Variants in CREB3L2 observed in about 807,000 individuals in gnomAD.
CREB3L2 encodes the protein cAMP responsive element binding protein 3 like 2.
A neutral mutation model predicts 57.2 loss-of-function variants in CREB3L2; 23 were observed. The ratio of observed to expected loss-of-function variants is 0.40; its 90% confidence interval spans 0.29 to 0.57. CREB3L2 has a LOEUF of 0.57. CREB3L2 is among the 20% of genes least tolerant of loss of function. The pLI is 0.42. For missense variants in CREB3L2, 628 were observed against 634.7 expected (o/e 0.99, Z 0.11); for synonymous variants, 268 against 265.1 (o/e 1.01, Z -0.11).
chr7:137,949,294 A>G (rs545347076), intron 1 of CREB3L2, among the ~76,000 whole-genome samples: 18 of 152,334 alleles, frequency 1.2e-4, no homozygotes, highest in African/African-American at 4.1e-4. Context: ...TCACTTGCTA[A>G]CTTCCCACAG....
At chr7:137,883,255 A>T (rs1433903455) in intron 10 of CREB3L2, among the ~76,000 whole-genome samples, 1 of 152,204 alleles carries the variant, frequency 6.6e-6, no homozygotes, top group East Asian at 1.9e-4. Context: ...ATTTAATTGG[A>T]ATGCTAGCAC....
intron 1 of CREB3L2, among the ~76,000 whole-genome samples, chr7:137,983,725 C>A (rs1403690091): frequency 6.6e-6 from 1 of 152,230 alleles, no homozygotes; most frequent in Non-Finnish European, 1.5e-5. Context: ...TACCTCTCTG[C>A]TTTACCTCTC....
chr7:137,904,103 C>A, intron 6 of CREB3L2, 86 bp from the exon 7 acceptor site: 1 of 1,090,976 alleles, frequency 9.2e-7, no homozygotes, highest in South Asian at 1.3e-5. Flanking sequence ...GCGTAGAAGT[C>A]ACCAAAGCCC....
At position 137,880,694 on chromosome 7, in the gene CREB3L2, G is replaced by A. The variant is rs986411570; in HGVS notation, c.1488-143C>T. On this transcript the variant is annotated intron_variant, in intron 11 of 11. Coordinates refer to ENST00000330387, the MANE Select transcript of CREB3L2 (RefSeq NM_194071.4). The surrounding 1 kb of genome is among the most constrained non-coding windows in gnomAD (Gnocchi z 4.0). Reference sequence around the variant, plus strand: ...ATGTTTCTTGTCCTTTTCTCTCCTAGTAGCAATTCTCTGTTTCCAAAGTCC... The same window carrying A: ...ATGTTTCTTGTCCTTTTCTCTCCTAATAGCAATTCTCTGTTTCCAAAGTCC... 2.9e-6 allele frequency: 2 copies of A among 681,894 alleles called. No homozygotes were observed. Among genetic ancestry groups the A allele is most frequent in the Admixed American group, 2.2e-5 (1 of 45,970 alleles). 42.2% of individuals were successfully genotyped at this position (681,894 alleles called of 1,614,324 possible).
At chr7:137,936,989 T>TAA in intron 1 of CREB3L2, among the ~76,000 whole-genome samples, 1 of 152,244 alleles carries the variant, frequency 6.6e-6, no homozygotes, top group East Asian at 1.9e-4. Flanking sequence ...CCACGGCAGG[T>TAA]AATAGGATTC....
intron 8 of CREB3L2, among the ~76,000 whole-genome samples, chr7:137,893,644 A>C (rs966746267): frequency 1.3e-4 from 20 of 152,248 alleles, no homozygotes; most frequent in Non-Finnish European, 2.5e-4. Context: ...AATCCAGTCA[A>C]AACCCAGTAG....
At chr7:137,907,113 G>A (rs905157224) in intron 5 of CREB3L2, among the ~76,000 whole-genome samples, 2 of 152,218 alleles carry the variant, frequency 1.3e-5, no homozygotes, top group African/African-American at 2.4e-5. Flanking sequence ...ATTTACATAA[G>A]AGAGAGGAGT....
At position 137,996,990 on chromosome 7, in the gene CREB3L2, G is replaced by A. The variant is rs192238722; in HGVS notation, c.102+4614C>T. On this transcript the variant is annotated intron_variant, in intron 1 of 11. Transcript: ENST00000330387. ...GGCTAAACTGAGATAGAAGAAAGGA[G>A]AACATTATCAAGATCTTGATGTTTA... Among the ~76,000 whole-genome samples the A allele has an allele frequency of 2.7e-4, 41 of 152,258 alleles. No homozygotes were observed. In the East Asian group the frequency reaches 7.9e-3, roughly 29 times the overall value.
chr7:137,927,998 T>C, intron 2 of CREB3L2, 152 bp downstream of exon 2: 1 of 707,802 alleles, frequency 1.4e-6, no homozygotes, highest in South Asian at 1.8e-5. Flanking sequence ...TCTTTGCTTT[T>C]CCCCACAGCC....
chr7:137,912,876 A>C (rs143177845), intron 4 of CREB3L2, 115 bp downstream of exon 4: 2 of 1,550,056 alleles, frequency 1.3e-6, no homozygotes, highest in African/African-American at 2.7e-5. Flanking sequence ...TATTTCATAA[A>C]GCCAGCTACA....
At chr7:137,917,315 G>A (rs1052636223) in intron 2 of CREB3L2, among the ~76,000 whole-genome samples, 12 of 151,682 alleles carry the variant, frequency 7.9e-5, no homozygotes, top group Admixed American at 1.3e-4. Flanking sequence ...GCACTGCCTG[G>A]AAAAGCCGGG....
chr7:137,981,801 CTCG>C (rs1252039319), intron 1 of CREB3L2, among the ~76,000 whole-genome samples: 1 of 152,212 alleles, frequency 6.6e-6, no homozygotes, highest in Admixed American at 6.5e-5. Context: ...AAGACAGCCA[CTCG>C]TTTCATGTAT....
intron 1 of CREB3L2, among the ~76,000 whole-genome samples, chr7:137,999,279 T>C (rs1459970104): frequency 6.6e-6 from 1 of 152,022 alleles, no homozygotes; most frequent in East Asian, 1.9e-4. Flanking sequence ...CCACCTTGTA[T>C]TCTCTATCCC....
Position 137,884,458 on chromosome 7 carries a change from C to T in CREB3L2, c.1270+537G>A, listed in dbSNP as rs545201095. ...GGCGATGGGGTTTCACAGTGTTAGC[C>T]AGGATAGTCTCAATCTCCTGACCTC... On this transcript the variant is annotated intron_variant, in intron 10 of 11. Coordinates refer to ENST00000330387, the MANE Select transcript of CREB3L2 (RefSeq NM_194071.4). 17 of 167,318 alleles carry T rather than the reference C, an allele frequency of 1.0e-4. No individual in the cohort carries two copies. The South Asian group carries it at 2.6e-3, about 26-fold the overall frequency. 10.4% of individuals were successfully genotyped at this position (167,318 alleles called of 1,614,324 possible).
intron 2 of CREB3L2, among the ~76,000 whole-genome samples, chr7:137,922,386 A>ATG (rs1326136428): frequency 3.3e-4 from 5 of 14,986 alleles, no homozygotes; most frequent in African/African-American, 1.1e-3. Flanking sequence ...ATATATATGT[A>ATG]TATATATATA....
rs1427465222 is a variant in CREB3L2, at chr7:137,936,982, C to T, written c.103-8616G>A. Among the ~76,000 whole-genome samples the T allele has an allele frequency of 2.6e-5, 4 of 152,154 alleles. No individual in the cohort carries two copies. The South Asian group carries it at 6.2e-4, about 24-fold the overall frequency. On this transcript the variant is annotated intron_variant, in intron 1 of 11. Coordinates refer to ENST00000330387, the MANE Select transcript of CREB3L2 (RefSeq NM_194071.4). ...CCATGGGCAGTGAAGCAGGTGGCCA[C>T]GGCAGGTAATAGGATTCAGAAAGCA...
intron 1 of CREB3L2, chr7:137,957,673 T>C: frequency 1.3e-6 from 1 of 786,344 alleles, no homozygotes; most frequent in Non-Finnish European, 1.8e-6. Context: ...GTGAAGAATA[T>C]ATTAATAACC....
chr7:137,995,011 T>C (rs889155070), intron 1 of CREB3L2, among the ~76,000 whole-genome samples: 2 of 152,204 alleles, frequency 1.3e-5, no homozygotes, highest in African/African-American at 4.8e-5. Context: ...TAATCTAAGC[T>C]GATAATATAA....
chr7:137,899,303 C>T (rs905986645), intron 8 of CREB3L2, among the ~76,000 whole-genome samples: 1 of 152,140 alleles, frequency 6.6e-6, no homozygotes, highest in Non-Finnish European at 1.5e-5. Context: ...CCCCATGTGG[C>T]CCAGGGAAGG....
Sources: allele counts gnomAD v4.1 joint callset (sites outside exome capture counted in the v4.1 genomes callset), GRCh38; gene constraint gnomAD v4.1.1; non-coding constraint Gnocchi (gnomAD v3.1); transcripts MANE v1.5; gene names NCBI Gene and HGNC (gene_info 2026-07-23, HGNC 2026-07-21).